Variants in TOMM40 observed in about 807,000 individuals in gnomAD.
TOMM40 encodes the protein mitochondrial import receptor subunit TOM40 homolog.
A neutral mutation model predicts 38.4 loss-of-function variants in TOMM40; 9 were observed. The observed-to-expected ratio is 0.23, with a 90% CI of 0.14 to 0.41. The LOEUF (loss-of-function observed/expected upper bound fraction) is 0.41, where lower values mean the gene tolerates loss of function less well. TOMM40 is among the 10% of genes least tolerant of loss of function. The probability of loss-of-function intolerance (pLI) is 1.00; values close to 1 mark genes in which losing one functional copy is unlikely to be tolerated. For missense variants in TOMM40, 299 were observed against 486.5 expected (o/e 0.61, Z 3.63); for synonymous variants, 184 against 210.0 (o/e 0.88, Z 1.07).
In TOMM40 at chr19:44,892,436, C is replaced by T. The variant is rs1363105159; in HGVS notation, c.318C>T (p.Asn106=). ...IQMEGVKLTV[N]KGLSNHFQVN... ...TGGAGGGTGTCAAGCTCACAGTCAA[C>T]AAAGGGTTGAGTAACCATTTTCAGG... The change falls in exon 2 of 9, where the codon AAC becomes AAT. Residue 106 remains asparagine, a synonymous_variant. Coordinates refer to ENST00000426677, the MANE Select transcript of TOMM40 (RefSeq NM_001128917.2). 1 of 1,613,064 alleles carries T rather than the reference C, an allele frequency of 6.2e-7. No homozygotes were observed. Among genetic ancestry groups the T allele is most frequent in the Non-Finnish European group, 8.5e-7 (1 of 1,180,008 alleles).
In TOMM40 at chr19:44,901,192, G is replaced by T; in HGVS notation, c.844-16G>T. 6.2e-7 allele frequency: 1 copy of T among 1,614,036 alleles called. No homozygotes were observed. The highest frequency in any genetic ancestry group is 8.5e-7 in the Non-Finnish European group (1 of 1,179,926). Reference sequence around the variant, plus strand: ...GGCCACTTGCTAATTCTCATGTGTTGCTCCGGCCCCTCCAGCTGCAGGTGG... The same window carrying T: ...GGCCACTTGCTAATTCTCATGTGTTTCTCCGGCCCCTCCAGCTGCAGGTGG... On this transcript the variant is annotated splice_polypyrimidine_tract_variant and intron_variant, in intron 7 of 8. Transcript: ENST00000426677.
intron 8 of TOMM40, 112 bp from the exon 9 acceptor site, chr19:44,902,918 T>C: frequency 7.3e-7 from 1 of 1,366,274 alleles, no homozygotes; most frequent in Non-Finnish European, 9.8e-7. Flanking sequence ...AGGAGCAGTG[T>C]GGTTAAAGGT....
At chr19:44,894,538 A>G (rs1016213314) in intron 5 of TOMM40, among the ~76,000 whole-genome samples, 7 of 152,148 alleles carry the variant, frequency 4.6e-5, no homozygotes, top group Admixed American at 4.6e-4. Context: ...CTGGGATTAC[A>G]GGTGTGAGCC....
At chr19:44,901,586 C>T (rs966632062) in intron 8 of TOMM40, 2 of 773,476 alleles carry the variant, frequency 2.6e-6, no homozygotes, top group African/African-American at 3.5e-5. Context: ...AATACAAAAA[C>T]AAAATTAGCC....
intron 5 of TOMM40, among the ~76,000 whole-genome samples, chr19:44,898,347 C>CT (rs1481613111): frequency 6.6e-6 from 1 of 152,034 alleles, no homozygotes; most frequent in Non-Finnish European, 1.5e-5. Flanking sequence ...CTCAGCTTCT[C>CT]TGTGTGCCCT....
intron 8 of TOMM40, chr19:44,901,630 C>T (rs752413915): frequency 1.2e-4 from 59 of 486,180 alleles, no homozygotes; most frequent in Non-Finnish European, 2.0e-4. Context: ...GTCCCAACTA[C>T]TGAGGCTGAG....
At chr19:44,894,088 G>A (rs776646479) in intron 5 of TOMM40, 22 bp downstream of exon 5, 5 of 1,482,318 alleles carry the variant, frequency 3.4e-6, no homozygotes, top group East Asian at 2.4e-5. Flanking sequence ...AGGGCTTGGA[G>A]GGTGGTCACA....
rs1055963351 is a variant in TOMM40, at chr19:44,900,950, T to A, written c.767-78T>A. 3.1e-6 allele frequency: 5 copies of A among 1,610,016 alleles called. No homozygotes were observed. The African/African-American group carries it at 6.7e-5, about 22-fold the overall frequency. On this transcript the variant is annotated intron_variant, in intron 6 of 8. Transcript: ENST00000426677. Reference sequence around the variant, plus strand: ...GGCTAGGGCCCTGGACACTCAGGTCTGAGGGAGGAGGCCTGGGTTCCCAGA... The same window carrying A: ...GGCTAGGGCCCTGGACACTCAGGTCAGAGGGAGGAGGCCTGGGTTCCCAGA...
chr19:44,891,747 A>AG, intron 1 of TOMM40, 58 bp downstream of exon 1: 1 of 1,379,436 alleles, frequency 7.2e-7, no homozygotes, highest in African/African-American at 1.5e-5. Flanking sequence ...GGGAAGGGGG[A>AG]GGACACTGGG....
At chr19:44,901,378 G>GC (rs1969680545) in intron 8 of TOMM40, 68 bp downstream of exon 8, 1 of 1,560,038 alleles carries the variant, frequency 6.4e-7, no homozygotes. Flanking sequence ...GGATGTGTGG[G>GC]CCACCACAGG....
At position 44,901,074 on chromosome 19, in the gene TOMM40, C is replaced by G; in HGVS notation, c.813C>G (p.His271Gln). Residue 271 changes from histidine (H) to glutamine (Q), a missense_variant, in exon 7 of 9, where the codon CAC becomes CAG. Physicochemically the swap from His to Gln is conservative, Grantham distance 24. Transcript: ENST00000426677. ...ATVTLGQAGM[H>Q]ATYYHKASDQ... is the part of the protein sequence containing the mutation. ...TAACGTTGGGCCAGGCGGGCATGCA[C>G]GCAACATACTACCACAAAGCCAGTG... 1.2e-6 allele frequency: 2 copies of G among 1,614,266 alleles called. No individual in the cohort carries two copies. The highest frequency in any genetic ancestry group is 1.7e-6 in the Non-Finnish European group (2 of 1,180,054).
At chr19:44,902,150 T>C (rs1015639678) in intron 8 of TOMM40, 3 of 152,228 alleles carry the variant, frequency 2.0e-5, no homozygotes, top group African/African-American at 7.2e-5. Context: ...GAGCATCTGA[T>C]GGGTGTTTGG....
intron 5 of TOMM40, among the ~76,000 whole-genome samples, chr19:44,899,132 CAAA>C (rs531167978): frequency 3.6e-5 from 3 of 82,620 alleles, no homozygotes; most frequent in Admixed American, 1.4e-4. Context: ...GACTCCATCT[CAAA>C]AAAAAAAAAA....
At chr19:44,895,675 T>C (rs1175011453) in intron 5 of TOMM40, among the ~76,000 whole-genome samples, 5 of 152,092 alleles carry the variant, frequency 3.3e-5, no homozygotes, top group African/African-American at 1.2e-4. Context: ...GTATCCCTAG[T>C]AGCTGGGACT....
Position 44,893,843 on chromosome 19 carries a change from C to G in TOMM40, c.499C>G (p.Gln167Glu). The stretch of plus-strand genomic sequence containing the variant: ...CAGTCTCAACGCTCAGGTCATTCAC[C>G]AGCTGGGCCCCGGTCTCAGGTCCAA... ...SGSLNAQVIHQLGPGLRSKMA... is the reference protein window; with the variant it reads ...SGSLNAQVIHELGPGLRSKMA... Residue 167 changes from glutamine to glutamate, a missense_variant, in exon 4 of 9, where the codon CAG becomes GAG. By Grantham distance (29) the Gln-to-Glu change is conservative. Transcript: ENST00000426677. 1.2e-6 allele frequency: 2 copies of G among 1,612,332 alleles called. No homozygotes were observed. The highest frequency in any genetic ancestry group is 1.7e-6 in the Non-Finnish European group (2 of 1,180,014).
At position 44,894,061 on chromosome 19, in the gene TOMM40, G is replaced by A. The variant is rs1299571292; in HGVS notation, c.638G>A (p.Gly213Asp). Residue 213 changes from glycine to aspartate, a missense_variant, in exon 5 of 9, where the codon GGT (glycine) becomes GAT (aspartate). By Grantham distance (94) the Gly-to-Asp change is moderately conservative (BLOSUM62 -1). Coordinates refer to ENST00000426677, the MANE Select transcript of TOMM40 (RefSeq NM_001128917.2). ...VTLGNPDVLV[G>D]SGILVAHYLQ... The stretch of plus-strand genomic sequence containing the variant: ...CTGGGGAACCCAGACGTCCTCGTGG[G>A]TTCAGGTAAGAGGCGGAGGGCTTGG... 1.3e-6 allele frequency: 2 copies of A among 1,508,674 alleles called. No homozygotes were observed. The highest frequency in any genetic ancestry group is 1.8e-6 in the Non-Finnish European group (2 of 1,127,706). The allele number at this position is 1,508,674 out of a possible 1,614,324, so 93.5% of individuals were successfully genotyped here.
At chr19:44,891,804 G>C in intron 1 of TOMM40, 115 bp downstream of exon 1, 1 of 1,130,724 alleles carries the variant, frequency 8.8e-7, no homozygotes, top group Non-Finnish European at 1.2e-6. Context: ...AACAGCACTA[G>C]GAGGTGATGT....
chr19:44,892,914 G>T lies in TOMM40; in HGVS notation c.420G>T (p.Gln140His), dbSNP rs147064972. The T allele has an allele frequency of 3.1e-6, 5 of 1,613,614 alleles. No homozygotes were observed. The African/African-American group carries it at 4.0e-5, about 13-fold the overall frequency. The change falls in exon 3 of 9, where the codon CAG (glutamine) becomes CAT (histidine). Residue 140 changes from glutamine (Q) to histidine (H), a missense_variant. Transcript: ENST00000426677. ...GGGTCACATATGTGGGGACAAAGCAGCTGAGTCCCACAGAGGTGAGCTTCC... is the reference window on the plus strand; with the variant it reads ...GGGTCACATATGTGGGGACAAAGCATCTGAGTCCCACAGAGGTGAGCTTCC... Reference protein sequence around the residue: ...HFGVTYVGTKQLSPTEAFPVL... With the variant: ...HFGVTYVGTKHLSPTEAFPVL...
chr19:44,892,715 C>T, intron 2 of TOMM40, 122 bp from the exon 3 acceptor site: 1 of 861,988 alleles, frequency 1.2e-6, no homozygotes, highest in Admixed American at 2.0e-5. Flanking sequence ...TTCTCTGAGT[C>T]TCTTAGTCAG....
Sources: gnomAD v4.1 joint callset for allele counts (sites outside exome capture counted in the v4.1 genomes callset) on GRCh38, gnomAD v4.1.1 for gene constraint, MANE v1.5 for transcripts, NCBI Gene and HGNC (gene_info 2026-07-23, HGNC 2026-07-21) for gene names.